PEAK1: variants seen among roughly 807,000 people sequenced by gnomAD.
PEAK1 encodes the protein pseudopodium enriched atypical kinase 1.
Under a neutral mutation model 124.7 loss-of-function variants are expected in PEAK1, and 54 were observed. The observed-to-expected ratio is 0.43, with a 90% CI of 0.35 to 0.54. PEAK1 has a LOEUF of 0.54. PEAK1 is among the 20% of genes least tolerant of loss of function. PEAK1 has a pLI of 0.01. For synonymous variants in PEAK1, 719 were observed against 760.0 expected (o/e 0.95, Z 0.89); for missense variants, 2,046 against 2,134.5 (o/e 0.96, Z 0.82).
chr15:77,176,789 AAAG>A (rs1377565545), intron 7 of PEAK1, among the ~76,000 whole-genome samples: 1 of 152,214 alleles, frequency 6.6e-6, no homozygotes, highest in African/African-American at 2.4e-5. Flanking sequence ...CTTTCCACAG[AAAG>A]AAGCCGAACA....
intron 5 of PEAK1, among the ~76,000 whole-genome samples, chr15:77,254,909 T>C (rs942059858): frequency 1.1e-4 from 17 of 152,196 alleles, no homozygotes; most frequent in African/African-American, 4.1e-4. Context: ...AATAAACTGA[T>C]TTCAGAGATC....
intron 1 of PEAK1, among the ~76,000 whole-genome samples, chr15:77,398,009 G>A (rs1347527901): frequency 6.6e-6 from 1 of 152,204 alleles, no homozygotes; most frequent in African/African-American, 2.4e-5. Flanking sequence ...AGGTTGCGGT[G>A]AGCCAAGATC....
chr15:77,362,080 A>T (rs2067925815), intron 2 of PEAK1, among the ~76,000 whole-genome samples: 2 of 152,208 alleles, frequency 1.3e-5, no homozygotes, highest in Non-Finnish European at 2.9e-5. Context: ...AATAGATATG[A>T]GGAATACATT....
intron 7 of PEAK1, among the ~76,000 whole-genome samples, chr15:77,168,237 G>GCGCA (rs1555428545): frequency 1.7e-3 from 246 of 147,280 alleles, no homozygotes; most frequent in African/African-American, 2.1e-3. Flanking sequence ...ATGTGCGCGC[G>GCGCA]CACACACACA....
intron 2 of PEAK1, among the ~76,000 whole-genome samples, chr15:77,286,953 C>A (rs1236364822): frequency 6.6e-6 from 1 of 152,090 alleles, no homozygotes; most frequent in African/African-American, 2.4e-5. Context: ...CTATAAATTG[C>A]ATCTTCATAA....
chr15:77,356,848 T>G (rs2067549479), intron 2 of PEAK1, among the ~76,000 whole-genome samples: 1 of 152,220 alleles, frequency 6.6e-6, no homozygotes, highest in African/African-American at 2.4e-5. Flanking sequence ...AAAGATAGAA[T>G]TCATCTAAAT....
At chr15:77,200,969 T>C (rs2058333437) in intron 6 of PEAK1, among the ~76,000 whole-genome samples, 3 of 152,008 alleles carry the variant, frequency 2.0e-5, no homozygotes, top group Admixed American at 2.0e-4. Flanking sequence ...TGGAGTAAAA[T>C]ATATTATTTA....
At chr15:77,174,782 C>T (rs2056742090) in intron 7 of PEAK1, among the ~76,000 whole-genome samples, 1 of 152,090 alleles carries the variant, frequency 6.6e-6, no homozygotes, top group Non-Finnish European at 1.5e-5. Flanking sequence ...AAAAAAGAGC[C>T]CGCATTGCCA....
At chr15:77,123,236 T>C (rs2052078021) in intron 9 of PEAK1, among the ~76,000 whole-genome samples, 2 of 152,180 alleles carry the variant, frequency 1.3e-5, no homozygotes, top group Non-Finnish European at 2.9e-5. Context: ...TATGTGAAAT[T>C]TTTAGCATCC....
chr15:77,346,705 G>C, intron 2 of PEAK1: 1 of 983,990 alleles, frequency 1.0e-6, no homozygotes, highest in Non-Finnish European at 1.2e-6. Flanking sequence ...ACTACCAAAA[G>C]GAAAATGAAA....
chr15:77,304,442 ATTTTTTT>A (rs71145812), intron 2 of PEAK1, among the ~76,000 whole-genome samples: 1 of 86,490 alleles, frequency 1.2e-5, no homozygotes, highest in Non-Finnish European at 2.1e-5. Flanking sequence ...TCCTGTATAC[ATTTTTTT>A]TTTTTTTTTT....
intron 6 of PEAK1, among the ~76,000 whole-genome samples, chr15:77,232,334 C>A (rs763850008): frequency 1.8e-4 from 27 of 152,142 alleles, no homozygotes; most frequent in Non-Finnish European, 3.4e-4. Context: ...CACACACACA[C>A]ACACTGTGCC....
intron 1 of PEAK1, among the ~76,000 whole-genome samples, chr15:77,411,799 T>C (rs572909779): frequency 2.6e-5 from 4 of 151,798 alleles, no homozygotes; most frequent in African/African-American, 9.7e-5. Context: ...AAGATGGGGG[T>C]TGGGGGTGGG....
rs894168550 is a variant in PEAK1, at chr15:77,297,990, G to GGAGCTTGCAGTGAGCC, written c.-602-11502_-602-11487dup. Among the ~76,000 whole-genome samples the GGAGCTTGCAGTGAGCC allele has an allele frequency of 2.2e-4, 32 of 142,758 alleles. 1 individual carries two copies. Among genetic ancestry groups the GGAGCTTGCAGTGAGCC allele is most frequent in the African/African-American group, 8.6e-4 (32 of 37,332 alleles). The allele number at this position is 142,758 out of a possible 152,430, so 93.7% of individuals were successfully genotyped here. ...GGAGAATGGCGTGAAGCCGGGAAGC[G>GGAGCTTGCAGTGAGCC]GAGCTTGCAGTGAGCCGAGATTGCG... On this transcript the variant is annotated intron_variant, in intron 2 of 9. Transcript: ENST00000682557.
chr15:77,141,682 T>C (rs1196417731), intron 8 of PEAK1, among the ~76,000 whole-genome samples: 3 of 152,154 alleles, frequency 2.0e-5, no homozygotes, highest in Non-Finnish European at 2.9e-5. Flanking sequence ...AATAGAAATA[T>C]AGATGAATGA....
rs555970509 is a variant in PEAK1, at chr15:77,354,042, T to C, written c.-603+11121A>G. Among the ~76,000 whole-genome samples the C allele has an allele frequency of 1.8e-4, 28 of 152,300 alleles. No individual in the cohort carries two copies. In the South Asian group the frequency reaches 5.4e-3, roughly 29 times the overall value. On this transcript the variant is annotated intron_variant, in intron 2 of 9. Coordinates refer to ENST00000682557, the MANE Select transcript of PEAK1 (RefSeq NM_001385026.1). The stretch of plus-strand genomic sequence containing the variant: ...TTTGTCCTCAATCCCGGGCAATTCC[T>C]TCTTCAATCACTCTCTAAAATCTAT...
At chr15:77,159,364 T>A (rs2055430695) in intron 7 of PEAK1, among the ~76,000 whole-genome samples, 1 of 152,206 alleles carries the variant, frequency 6.6e-6, no homozygotes, top group African/African-American at 2.4e-5. Flanking sequence ...ATCTGAAGCA[T>A]CCTCCTGGCT....
intron 5 of PEAK1, among the ~76,000 whole-genome samples, chr15:77,262,225 C>A (rs1429479548): frequency 2.0e-5 from 3 of 152,144 alleles, no homozygotes; most frequent in South Asian, 4.1e-4. Flanking sequence ...AACCAGCTAA[C>A]ATCATAATGA....
At chr15:77,298,472 C>A (rs2063625684) in intron 2 of PEAK1, among the ~76,000 whole-genome samples, 1 of 151,806 alleles carries the variant, frequency 6.6e-6, no homozygotes, top group Non-Finnish European at 1.5e-5. Context: ...CCCGCCTCTG[C>A]CTCCCAAAGT....
Sources: gnomAD v4.1 joint callset for allele counts (sites outside exome capture counted in the v4.1 genomes callset) on GRCh38, gnomAD v4.1.1 for gene constraint, MANE v1.5 for transcripts, NCBI Gene and HGNC (gene_info 2026-07-23, HGNC 2026-07-21) for gene names.